Variants in MCEE observed in about 807,000 individuals in gnomAD.
The protein encoded by MCEE is methylmalonyl-CoA epimerase.
MCEE carries 6 observed loss-of-function variants against 12.9 expected under a neutral mutation model. The ratio of observed to expected loss-of-function variants is 0.47; its 90% CI spans 0.26 to 0.92. The LOEUF is 0.92. Ranked by LOEUF, MCEE falls within the 40% of genes least tolerant of loss-of-function variation. The probability of loss-of-function intolerance (pLI) is 0.16; values close to 1 mark genes in which losing one functional copy is unlikely to be tolerated. For missense variants in MCEE, 214 were observed against 212.1 expected (o/e 1.01, Z -0.05); for synonymous variants, 78 against 77.9 (o/e 1.00, Z -0.01).
intron 1 of MCEE, among the ~76,000 whole-genome samples, chr2:71,128,334 T>C (rs569550917): frequency 1.3e-5 from 2 of 152,300 alleles, no homozygotes; most frequent in East Asian, 1.9e-4. Context: ...AGAATTACCA[T>C]GTAATCCAGC....
chr2:71,124,557 C>G lies in MCEE; in HGVS notation c.41-14G>C, dbSNP rs989566794. 4 of 1,599,128 alleles carry G rather than the reference C, an allele frequency of 2.5e-6. No homozygotes were observed. The highest frequency in any genetic ancestry group is 2.2e-5 in the East Asian group (1 of 44,820). On this transcript the variant is annotated splice_polypyrimidine_tract_variant and intron_variant, in intron 1 of 2. Transcript: ENST00000244217. The stretch of plus-strand genomic sequence containing the variant: ...TGGAAAAAAGCCCTGAAAAATTGAA[C>G]AGCCATTGATATCCTTCTTTTGAGA...
intron 2 of MCEE, among the ~76,000 whole-genome samples, chr2:71,122,223 TC>T (rs1673113363): frequency 6.6e-6 from 1 of 152,176 alleles, no homozygotes; most frequent in East Asian, 1.9e-4. Context: ...CCTCAGCACT[TC>T]CTGGGCTCAA....
At chr2:71,125,385 T>G (rs1421774309) in intron 1 of MCEE, among the ~76,000 whole-genome samples, 3 of 151,400 alleles carry the variant, frequency 2.0e-5, no homozygotes, top group African/African-American at 7.3e-5. Context: ...TGTTGTATTT[T>G]TAGTAGAGAT....
intron 2 of MCEE, among the ~76,000 whole-genome samples, chr2:71,122,526 C>G (rs1194743373): frequency 6.6e-6 from 1 of 152,186 alleles, no homozygotes; most frequent in African/African-American, 2.4e-5. Flanking sequence ...AGGCCTCACA[C>G]TCATGGCAGA....
intron 1 of MCEE, among the ~76,000 whole-genome samples, chr2:71,126,991 G>C (rs1208826088): frequency 6.6e-6 from 1 of 152,146 alleles, no homozygotes; most frequent in Admixed American, 6.5e-5. Flanking sequence ...CAGCAGAATT[G>C]CATTATTTTG....
intron 1 of MCEE, among the ~76,000 whole-genome samples, chr2:71,126,320 C>T (rs576976054): frequency 4.7e-5 from 7 of 149,436 alleles, no homozygotes; most frequent in Non-Finnish European, 7.5e-5. Context: ...CTCCACCTTC[C>T]GGGTTCAAGC....
intron 2 of MCEE, 28 bp downstream of exon 2, chr2:71,124,178 A>C: frequency 6.6e-7 from 1 of 1,513,062 alleles, no homozygotes; most frequent in South Asian, 1.1e-5. Flanking sequence ...GAGATTTAAA[A>C]TACCAGGCAT....
chr2:71,111,412 C>T lies in MCEE; in HGVS notation c.379-1290G>A, dbSNP rs147028830. Among the ~76,000 whole-genome samples the T allele has an allele frequency of 1.4e-4, 21 of 152,206 alleles. No individual in the cohort carries two copies. In the East Asian group the frequency reaches 2.9e-3, roughly 21 times the overall value. ...TCAATATTATTAAGCTTTTCTTCTG[C>T]TGCGTTAGGTGGGATTGGAGCAGCT... On this transcript the variant is annotated intron_variant, in intron 2 of 2. Coordinates refer to ENST00000244217, the MANE Select transcript of MCEE (RefSeq NM_032601.4).
chr2:71,124,691 A>C, intron 1 of MCEE, 148 bp from the exon 2 acceptor site: 1 of 666,710 alleles, frequency 1.5e-6, no homozygotes, highest in South Asian at 1.7e-5. Context: ...CCAGGAGATA[A>C]ATGGAAAAAC....
intron 2 of MCEE, among the ~76,000 whole-genome samples, chr2:71,121,732 G>A (rs746408487): frequency 1.3e-5 from 2 of 149,518 alleles, no homozygotes; most frequent in Non-Finnish European, 3.0e-5. Context: ...TCTCATCCTG[G>A]GGGGTGGGGT....
intron 2 of MCEE, among the ~76,000 whole-genome samples, chr2:71,123,122 A>G (rs1673130171): frequency 6.6e-6 from 1 of 152,244 alleles, no homozygotes; most frequent in African/African-American, 2.4e-5. Context: ...AGGGTCTCAT[A>G]CATGTTTGCA....
At chr2:71,129,874 C>A in intron 1 of MCEE, 1 of 528,314 alleles carries the variant, frequency 1.9e-6, no homozygotes, top group Non-Finnish European at 3.4e-6. Flanking sequence ...TACTTCTGTC[C>A]CTGCCCTGCC....
intron 1 of MCEE, 98 bp downstream of exon 1, chr2:71,130,082 A>G (rs1673336645): frequency 4.8e-5 from 60 of 1,251,074 alleles, no homozygotes; most frequent in Non-Finnish European, 6.7e-5. Flanking sequence ...AGGACATTAG[A>G]TCAAGGTGCT....
intron 1 of MCEE, chr2:71,129,824 A>T: frequency 2.5e-6 from 1 of 396,766 alleles, no homozygotes; most frequent in Non-Finnish European, 4.8e-6. Flanking sequence ...CAGTCTCTTT[A>T]TTGGTGCGCG....
chr2:71,122,032 G>C (rs768293864), intron 2 of MCEE, among the ~76,000 whole-genome samples: 66 of 152,252 alleles, frequency 4.3e-4, no homozygotes, highest in Non-Finnish European at 7.9e-4. Context: ...CTGTCAAATG[G>C]GGATAATAGG....
intron 2 of MCEE, among the ~76,000 whole-genome samples, chr2:71,121,152 C>A (rs977081320): frequency 1.3e-5 from 2 of 152,200 alleles, no homozygotes; most frequent in African/African-American, 2.4e-5. Context: ...ACATAACTGC[C>A]TAGCTAGAGA....
intron 2 of MCEE, 108 bp downstream of exon 2, chr2:71,124,098 A>C (rs1332030647): frequency 1.3e-6 from 1 of 790,302 alleles, no homozygotes; most frequent in Non-Finnish European, 2.1e-6. Context: ...CTCCTTAAAG[A>C]ACTTTACAAA....
At chr2:71,129,592 A>G (rs67954722) in intron 1 of MCEE, 1 of 153,004 alleles carries the variant, frequency 6.5e-6, no homozygotes, top group African/African-American at 2.4e-5. Context: ...TACATATTTT[A>G]AAAAAAATGA....
intron 1 of MCEE, among the ~76,000 whole-genome samples, chr2:71,128,297 T>C (rs1461877729): frequency 2.0e-5 from 3 of 152,202 alleles, no homozygotes; most frequent in Admixed American, 1.3e-4. Flanking sequence ...CGAAGTTTTA[T>C]GTTCCTTAAA....
Sources: gnomAD v4.1 joint callset for allele counts (sites outside exome capture counted in the v4.1 genomes callset) on GRCh38, gnomAD v4.1.1 for gene constraint, MANE v1.5 for transcripts, NCBI Gene and HGNC (gene_info 2026-07-23, HGNC 2026-07-21) for gene names.